Variants in EFL1 observed in about 807,000 individuals in gnomAD.
EFL1 encodes the protein elongation factor-like GTPase 1.
EFL1 carries 76 observed loss-of-function variants against 126.7 expected under a neutral mutation model. The ratio of observed to expected loss-of-function variants is 0.60; its 90% CI spans 0.50 to 0.73. EFL1 has a LOEUF of 0.73. EFL1 is among the 30% of genes least tolerant of loss of function. The pLI is 0.00. For synonymous variants in EFL1, 410 were observed against 448.4 expected (o/e 0.91, Z 1.08); for missense variants, 1,128 against 1,343.2 (o/e 0.84, Z 2.50).
intron 15 of EFL1, among the ~76,000 whole-genome samples, chr15:82,197,025 C>T (rs1595976608): frequency 6.8e-6 from 1 of 148,104 alleles, no homozygotes; most frequent in Non-Finnish European, 1.5e-5. Context: ...GAGCAAAACT[C>T]CAACTTAAAA....
chr15:82,168,727 T>C (rs1051541891), intron 15 of EFL1, among the ~76,000 whole-genome samples: 5 of 152,208 alleles, frequency 3.3e-5, no homozygotes, highest in African/African-American at 9.6e-5. Flanking sequence ...TTGGCCAGAC[T>C]GGTCTTGAAC....
At chr15:82,231,945 G>C (rs2074826683) in intron 7 of EFL1, among the ~76,000 whole-genome samples, 1 of 152,112 alleles carries the variant, frequency 6.6e-6, no homozygotes, top group South Asian at 2.1e-4. Flanking sequence ...CTGGCTTCCG[G>C]TGTTTCAGCA....
At chr15:82,155,205 AT>A (rs1256213533) in intron 17 of EFL1, among the ~76,000 whole-genome samples, 1 of 152,066 alleles carries the variant, frequency 6.6e-6, no homozygotes, top group Non-Finnish European at 1.5e-5. Flanking sequence ...GGCTACTAAA[AT>A]TTTGTTGCCA....
At chr15:82,138,430 A>ATATG (rs1555423520) in intron 19 of EFL1, among the ~76,000 whole-genome samples, 1 of 146,014 alleles carries the variant, frequency 6.8e-6, no homozygotes, top group Non-Finnish European at 1.5e-5. Context: ...GAGAGAGTGT[A>ATATG]TGTGTGTGTG....
chr15:82,261,946 A>G, intron 1 of EFL1, 149 bp from the exon 2 acceptor site: 1 of 588,904 alleles, frequency 1.7e-6, no homozygotes, highest in South Asian at 2.2e-5. Context: ...TAGACCACCA[A>G]GGCCTAAGTC....
chr15:82,238,148 A>G (rs2074893412), intron 7 of EFL1, among the ~76,000 whole-genome samples, 159 bp downstream of exon 7: 1 of 152,210 alleles, frequency 6.6e-6, no homozygotes, highest in Non-Finnish European at 1.5e-5. Context: ...TATCATGGAT[A>G]GGAGGCAGTT....
intron 4 of EFL1, among the ~76,000 whole-genome samples, chr15:82,247,146 A>G (rs1037668129): frequency 1.3e-5 from 2 of 152,110 alleles, no homozygotes; most frequent in African/African-American, 4.8e-5. Flanking sequence ...AGAGAACATT[A>G]TGAAGTCAAA....
At chr15:82,138,412 G>GAGAA (rs1280571600) in intron 19 of EFL1, among the ~76,000 whole-genome samples, 1 of 111,982 alleles carries the variant, frequency 8.9e-6, no homozygotes, top group Admixed American at 1.1e-4. Flanking sequence ...ACAAATGAGA[G>GAGAA]AGAGAGAGAG....
intron 11 of EFL1, 28 bp downstream of exon 11, chr15:82,227,422 A>T: frequency 6.2e-7 from 1 of 1,613,986 alleles, no homozygotes. Context: ...ATGACATGGT[A>T]TATTCCAACA....
chr15:82,244,905 A>G (rs963452774), intron 4 of EFL1, among the ~76,000 whole-genome samples: 1 of 152,146 alleles, frequency 6.6e-6, no homozygotes, highest in Non-Finnish European at 1.5e-5. Flanking sequence ...CCATAAAATA[A>G]AAAAGAAAAA....
At chr15:82,231,561 G>A (rs1350377781) in intron 7 of EFL1, among the ~76,000 whole-genome samples, 1 of 151,910 alleles carries the variant, frequency 6.6e-6, no homozygotes, top group African/African-American at 2.4e-5. Context: ...GCATTGTCTG[G>A]ATAAAGGACC....
chr15:82,232,697 G>C (rs2074834645), intron 7 of EFL1, among the ~76,000 whole-genome samples: 1 of 152,108 alleles, frequency 6.6e-6, no homozygotes, highest in African/African-American at 2.4e-5. Context: ...CATAATCTGA[G>C]CTAAAGCTTT....
chr15:82,176,355 C>A (rs1210927747), intron 15 of EFL1, among the ~76,000 whole-genome samples: 1 of 152,068 alleles, frequency 6.6e-6, no homozygotes, highest in Non-Finnish European at 1.5e-5. Context: ...TATATTAAAA[C>A]TAAGAACTTC....
chr15:82,210,982 G>C (rs2074577986), intron 15 of EFL1, among the ~76,000 whole-genome samples: 1 of 151,722 alleles, frequency 6.6e-6, no homozygotes, highest in East Asian at 1.9e-4. Flanking sequence ...ACTAGGCTTT[G>C]AGTGTTAATT....
intron 4 of EFL1, among the ~76,000 whole-genome samples, chr15:82,242,093 G>GA (rs1209920061): frequency 2.0e-5 from 3 of 149,554 alleles, no homozygotes; most frequent in Admixed American, 6.6e-5. Flanking sequence ...AGGCAAACAA[G>GA]AAAAAAAAAG....
At chr15:82,186,777 G>T (rs1421814325) in intron 15 of EFL1, among the ~76,000 whole-genome samples, 1 of 152,028 alleles carries the variant, frequency 6.6e-6, no homozygotes, top group Non-Finnish European at 1.5e-5. Context: ...ACTCAGTGTT[G>T]GTCTTGTTCC....
Position 82,157,621 on chromosome 15 carries a change from G to A in EFL1, c.2030+92C>T, listed in dbSNP as rs1005884868. ...GCATTTCATTTTTCTCCAAAAATAA[G>A]CCGCAGTCTAAGTTCAACTGGTTTA... is the stretch of plus-strand genomic sequence containing the variant. On this transcript the variant is annotated intron_variant, in intron 17 of 19. Coordinates refer to ENST00000268206, the MANE Select transcript of EFL1 (RefSeq NM_024580.6). 7 of 1,385,802 alleles carry A rather than the reference G, an allele frequency of 5.1e-6. No individual in the cohort carries two copies. The African/African-American group carries it at 7.2e-5, about 14-fold the overall frequency. 85.8% of individuals were successfully genotyped at this position (1,385,802 alleles called of 1,614,324 possible).
chr15:82,170,553 A>C (rs1368671436), intron 15 of EFL1, among the ~76,000 whole-genome samples: 1 of 152,216 alleles, frequency 6.6e-6, no homozygotes, highest in African/African-American at 2.4e-5. Context: ...TTCAATTTGG[A>C]ATCCAAGGAA....
chr15:82,255,591 A>G (rs2075059846), intron 3 of EFL1, among the ~76,000 whole-genome samples: 2 of 152,222 alleles, frequency 1.3e-5, no homozygotes, highest in African/African-American at 4.8e-5. Flanking sequence ...ATATTAGCCC[A>G]TATTATTTTC....
Sources: allele counts gnomAD v4.1 joint callset (sites outside exome capture counted in the v4.1 genomes callset), GRCh38; gene constraint gnomAD v4.1.1; transcripts MANE v1.5; gene names NCBI Gene and HGNC (gene_info 2026-07-23, HGNC 2026-07-21).